The following KDM1B variants were observed in gnomAD, a reference collection of about 807,000 sequenced individuals.
The protein encoded by KDM1B is lysine-specific histone demethylase 2.
KDM1B carries 63 observed loss-of-function variants against 107.4 expected under a neutral mutation model. The ratio of observed to expected loss-of-function variants is 0.59; its 90% CI spans 0.48 to 0.72. The LOEUF (loss-of-function observed/expected upper bound fraction) is 0.72. Among genes scored for constraint, KDM1B ranks in the 30% least tolerant of loss-of-function variants. The pLI is 0.00. For missense variants in KDM1B, 749 were observed against 1,020.8 expected (o/e 0.73, Z 3.63); for synonymous variants, 363 against 363.9 (o/e 1.00, Z 0.03).
Position 18,205,704 on chromosome 6 carries a change from T to G in KDM1B, c.1659+40T>G, listed in dbSNP as rs1468788323. On this transcript the variant is annotated intron_variant, in intron 15 of 21. Coordinates refer to ENST00000650836, the MANE Select transcript of KDM1B (RefSeq NM_001364614.2). The surrounding 1 kb of genome is among the most constrained non-coding windows in gnomAD (Gnocchi z 5.7). ...TGTGAAAGGTGTGCTTTGAAAATAC[T>G]TGGTTTAGGCCGGGCGCAGTGGCTC... is the stretch of plus-strand genomic sequence containing the variant. The G allele has an allele frequency of 6.8e-7, 1 of 1,465,498 alleles. No homozygotes were observed. The allele number at this position is 1,465,498 out of a possible 1,614,324, so 90.8% of individuals were successfully genotyped here. A position where few individuals can be genotyped will look rare whatever the true frequency, so the allele number is the denominator to read the frequency against.
At chr6:18,171,045 T>A (rs1031608161) in intron 6 of KDM1B, among the ~76,000 whole-genome samples, 1 of 151,846 alleles carries the variant, frequency 6.6e-6, no homozygotes, top group Non-Finnish European at 1.5e-5. Flanking sequence ...TGGTCTGGAT[T>A]TCCTGACCTC....
rs190651617 is a variant in KDM1B at position 18,170,238 on chromosome 6, T to C, written c.418-1125T>C. Among the ~76,000 whole-genome samples, 277 of 152,288 alleles carry C rather than the reference T, an allele frequency of 1.8e-3. 7 individuals carry two copies. Among genetic ancestry groups the C allele is most frequent in the African/African-American group, 6.4e-3 (265 of 41,560 alleles). The stretch of plus-strand genomic sequence containing the variant: ...TAAATTTACTGAGTTGCTAAGATAG[T>C]ACAGAGAGTTTCCATATATCCTTCA... On this transcript the variant is annotated intron_variant, in intron 6 of 21. Transcript: ENST00000650836.
intron 7 of KDM1B, among the ~76,000 whole-genome samples, chr6:18,181,000 C>G (rs1217981329): frequency 2.6e-5 from 4 of 152,180 alleles, no homozygotes; most frequent in Non-Finnish European, 5.9e-5. Flanking sequence ...TTAAATTATG[C>G]CTTGCTTTTT....
chr6:18,161,818 T>G (rs541710084), intron 4 of KDM1B, among the ~76,000 whole-genome samples: 3 of 152,314 alleles, frequency 2.0e-5, no homozygotes, highest in African/African-American at 7.2e-5. Flanking sequence ...CTTTTCGTTG[T>G]GTTTTTCTCT....
At chr6:18,208,599 G>GTGTGTGTGTATATA (rs1561949321) in intron 17 of KDM1B, among the ~76,000 whole-genome samples, 1 of 40,692 alleles carries the variant, frequency 2.5e-5, no homozygotes, top group Non-Finnish European at 4.2e-5. Flanking sequence ...AGAAGTATGT[G>GTGTGTGTGTATATA]TATGTATATA....
Position 18,213,466 on chromosome 6 carries a change from A to C in KDM1B, c.1984-190A>C, listed in dbSNP as rs1336949870. On this transcript the variant is annotated intron_variant, in intron 18 of 21. Transcript: ENST00000650836. This position sits in a 1 kb window ranked among gnomAD's most constrained non-coding sequence, Gnocchi z 5.9. Reference sequence around the variant, plus strand: ...AAAAAAAAAACCCAAAAAACAAAACAAAACAAAAAACAACCAAGGAGTTCA... The same window carrying C: ...AAAAAAAAAACCCAAAAAACAAAACCAAACAAAAAACAACCAAGGAGTTCA... Among the ~76,000 whole-genome samples the C allele has an allele frequency of 6.6e-6, 1 of 151,866 alleles. No homozygotes were observed. Among genetic ancestry groups the C allele is most frequent in the Non-Finnish European group, 1.5e-5 (1 of 67,940 alleles).
chr6:18,208,276 C>T lies in KDM1B; in HGVS notation c.1866+70C>T, dbSNP rs1216785843. 2.6e-6 allele frequency: 3 copies of T among 1,160,918 alleles called. No homozygotes were observed. In the East Asian group the frequency reaches 7.1e-5, roughly 28 times the overall value. 71.9% of individuals were successfully genotyped at this position (1,160,918 alleles called of 1,614,324 possible). ...CAGGGGCTTGGAGGGAAGGACAAAT[C>T]TTTCCTATCAAGGAGTTTGCCTTTG... On this transcript the variant is annotated intron_variant, in intron 17 of 21. Coordinates refer to ENST00000650836, the MANE Select transcript of KDM1B (RefSeq NM_001364614.2).
At chr6:18,208,619 A>ATT in intron 17 of KDM1B, among the ~76,000 whole-genome samples, 1 of 38,364 alleles carries the variant, frequency 2.6e-5, no homozygotes, top group East Asian at 1.1e-3. Context: ...ATATATATAT[A>ATT]TATATATATT....
In KDM1B at chr6:18,204,017, C is replaced by T. The variant is rs890960687; in HGVS notation, c.1532-1520C>T. On this transcript the variant is annotated intron_variant, in intron 14 of 21. Coordinates refer to ENST00000650836, the MANE Select transcript of KDM1B (RefSeq NM_001364614.2). The surrounding 1 kb of genome is among the most constrained non-coding windows in gnomAD (Gnocchi z 4.9). The stretch of plus-strand genomic sequence containing the variant: ...CTTCTACAAAAGTCACAGAAAGTGG[C>T]ACAAAGCCCAGGGGTCTAGGAGCAA... Among the ~76,000 whole-genome samples, 4 of 152,102 alleles carry T rather than the reference C, an allele frequency of 2.6e-5. No individual in the cohort carries two copies. Among genetic ancestry groups the T allele is most frequent in the Non-Finnish European group, 5.9e-5 (4 of 68,030 alleles).
At chr6:18,165,687 G>A (rs572850623) in intron 5 of KDM1B, among the ~76,000 whole-genome samples, 1 of 152,142 alleles carries the variant, frequency 6.6e-6, no homozygotes, top group South Asian at 2.1e-4. Context: ...GCCAGGCATG[G>A]TGGCAGGTGC....
intron 10 of KDM1B, among the ~76,000 whole-genome samples, chr6:18,194,492 A>C (rs2150949656): frequency 6.6e-6 from 1 of 152,246 alleles, no homozygotes; most frequent in East Asian, 1.9e-4. Context: ...CGACACGATA[A>C]AGTGTAAATT....
rs781584435 is a variant in KDM1B, at chr6:18,215,067, C to T, written c.2170C>T (p.Leu724=). 2 of 1,614,042 alleles carry T rather than the reference C, an allele frequency of 1.2e-6. No individual in the cohort carries two copies. The highest frequency in any genetic ancestry group is 1.7e-6 in the Non-Finnish European group (2 of 1,179,996). ...GGAGGCTGTCGCATCCGTGAGGACC[C>T]TGGATGACAAACAGGTGCTGCAGCA... The part of the protein sequence containing the change: ...AGEAVASVRT[L]DDKQVLQQCM... Residue 724 remains leucine (L), a synonymous_variant, in exon 20 of 22, where the codon CTG becomes TTG. Transcript: ENST00000650836.
chr6:18,161,347 G>T lies in KDM1B; in HGVS notation c.108G>T (p.Glu36Asp). ...CTTAGGCGAAGAAGAAAGCAACAGA[G>T]ACAACAGATGAGGATGAAGATGGTG... ...SGRQAKKKAT[E>D]TTDEDEDGGS... Residue 36 changes from glutamate to aspartate, a missense_variant, in exon 4 of 22, where the codon GAG becomes GAT. Physicochemically the swap from Glu to Asp is conservative, Grantham distance 45. Coordinates refer to ENST00000650836, the MANE Select transcript of KDM1B (RefSeq NM_001364614.2). 6.2e-7 allele frequency: 1 copy of T among 1,613,960 alleles called. No individual in the cohort carries two copies. Among genetic ancestry groups the T allele is most frequent in the South Asian group, 1.1e-5 (1 of 91,074 alleles).
chr6:18,158,060 A>G (rs770973469), intron 2 of KDM1B, among the ~76,000 whole-genome samples: 1 of 151,880 alleles, frequency 6.6e-6, no homozygotes, highest in African/African-American at 2.4e-5. Context: ...TGATCCGCCC[A>G]CCTCAGCCTC....
intron 20 of KDM1B, among the ~76,000 whole-genome samples, chr6:18,216,722 T>C (rs1336002722): frequency 6.6e-6 from 1 of 152,200 alleles, no homozygotes; most frequent in Admixed American, 6.5e-5. Context: ...TGTCCATTAG[T>C]CACTCAGGAG....
At chr6:18,185,555 A>G (rs1200557340) in intron 7 of KDM1B, among the ~76,000 whole-genome samples, 1 of 151,676 alleles carries the variant, frequency 6.6e-6, no homozygotes, top group Non-Finnish European at 1.5e-5. Context: ...ACCCACCTTG[A>G]CCTCCCAAAC....
At chr6:18,160,380 T>C (rs1784891596) in intron 3 of KDM1B, among the ~76,000 whole-genome samples, 1 of 152,164 alleles carries the variant, frequency 6.6e-6, no homozygotes, top group Non-Finnish European at 1.5e-5. Context: ...GGGCTTTTAT[T>C]CTTTTAAAAG....
chr6:18,194,142 G>A (rs1787486919), intron 10 of KDM1B, among the ~76,000 whole-genome samples: 4 of 152,030 alleles, frequency 2.6e-5, no homozygotes, highest in Admixed American at 2.6e-4. Flanking sequence ...CTCCCAAAGT[G>A]CTGGGATTAC....
intron 21 of KDM1B, among the ~76,000 whole-genome samples, chr6:18,220,861 A>C (rs1277359402): frequency 2.0e-5 from 3 of 149,354 alleles, no homozygotes; most frequent in African/African-American, 7.4e-5. Flanking sequence ...AACCTCCGCC[A>C]CCTGCGTTCA....
Sources: gnomAD v4.1 joint callset for allele counts (sites outside exome capture counted in the v4.1 genomes callset) on GRCh38, gnomAD v4.1.1 for gene constraint, Gnocchi (gnomAD v3.1) non-coding constraint, MANE v1.5 for transcripts, NCBI Gene and HGNC (gene_info 2026-07-23, HGNC 2026-07-21) for gene names.